TTC23: variants seen among roughly 807,000 people sequenced by gnomAD.
TTC23 encodes the protein tetratricopeptide repeat domain 23.
TTC23 carries 58 observed loss-of-function variants against 55.1 expected under a neutral mutation model. The observed-to-expected ratio is 1.05, with a 90% CI of 0.85 to 1.31. The LOEUF (loss-of-function observed/expected upper bound fraction) is 1.31, where lower values mean the gene tolerates loss of function less well. Among genes scored for constraint, TTC23 ranks in the 50% most tolerant of loss-of-function variants. The probability of loss-of-function intolerance (pLI) is 0.00; values close to 1 mark genes in which losing one functional copy is unlikely to be tolerated. For missense variants in TTC23, 516 were observed against 534.4 expected (o/e 0.97, Z 0.34); for synonymous variants, 203 against 199.9 (o/e 1.02, Z -0.13).
chr15:99,221,468 G>C (rs771433586), intron 6 of TTC23, among the ~76,000 whole-genome samples: 1 of 152,020 alleles, frequency 6.6e-6, no homozygotes, highest in Non-Finnish European at 1.5e-5. Flanking sequence ...TGGCCCAACA[G>C]ATTAATTTTC....
chr15:99,144,439 C>G (rs1325813991), intron 12 of TTC23: 2 of 152,196 alleles, frequency 1.3e-5, no homozygotes, highest in Admixed American at 1.3e-4. Context: ...AAATGTGCAG[C>G]TGTTACTCAG....
intron 9 of TTC23, among the ~76,000 whole-genome samples, chr15:99,188,337 G>A (rs2074919790): frequency 1.3e-5 from 2 of 152,124 alleles, no homozygotes; most frequent in South Asian, 4.1e-4. Context: ...CAGGAGATGG[G>A]GGAAGAGGGA....
chr15:99,219,278 C>T (rs891497818), intron 6 of TTC23, among the ~76,000 whole-genome samples: 1 of 152,096 alleles, frequency 6.6e-6, no homozygotes, highest in African/African-American at 2.4e-5. Flanking sequence ...TAGAAATAAA[C>T]AAAATGAGCT....
chr15:99,234,214 G>C (rs1379638135), intron 4 of TTC23, among the ~76,000 whole-genome samples: 1 of 152,138 alleles, frequency 6.6e-6, no homozygotes, highest in East Asian at 1.9e-4. Context: ...CTCTTCAAGA[G>C]AAACTGTTAA....
intron 10 of TTC23, among the ~76,000 whole-genome samples, chr15:99,173,535 A>G (rs1446405858): frequency 2.0e-5 from 3 of 152,226 alleles, no homozygotes; most frequent in African/African-American, 4.8e-5. Context: ...GCAGTGGGCT[A>G]TAATTGCGCC....
At chr15:99,220,747 C>T (rs574629328) in intron 6 of TTC23, among the ~76,000 whole-genome samples, 3 of 152,316 alleles carry the variant, frequency 2.0e-5, no homozygotes, top group Admixed American at 6.5e-5. Flanking sequence ...GGAAAGTTAG[C>T]ATCACCATTA....
At chr15:99,154,572 T>C (rs1670224) in intron 12 of TTC23, among the ~76,000 whole-genome samples, 121,553 of 152,150 alleles carry the variant, frequency 0.8, 48,864 homozygotes, top group African/African-American at 0.89. Flanking sequence ...CAAATGCCAG[T>C]CCCTGGATCT....
Position 99,218,984 on chromosome 15 carries a change from C to T in TTC23, c.369G>A (p.Val123=), listed in dbSNP as rs1158185423. The T allele has an allele frequency of 1.9e-6, 3 of 1,614,172 alleles. No homozygotes were observed. The highest frequency in any genetic ancestry group is 8.5e-7 in the Non-Finnish European group (1 of 1,180,016). The part of the protein sequence containing the change: ...KARQILANSI[V]PPYSENTDVF... ...CATCTGTATTCTCACTATAGGGAGGCACAATGGAGTTGGCGAGGATTTGTC... is the reference window on the plus strand; with the variant it reads ...CATCTGTATTCTCACTATAGGGAGGTACAATGGAGTTGGCGAGGATTTGTC... Residue 123 remains valine (V), a synonymous_variant, in exon 7 of 14, where the codon GTG becomes GTA. Transcript: ENST00000394132.
intron 10 of TTC23, among the ~76,000 whole-genome samples, chr15:99,165,228 C>T (rs1391268431): frequency 1.3e-5 from 2 of 152,238 alleles, no homozygotes; most frequent in South Asian, 2.1e-4. Flanking sequence ...ATTGAGAGGA[C>T]AGAAACATGA....
intron 2 of TTC23, among the ~76,000 whole-genome samples, chr15:99,244,802 G>C (rs569916623): frequency 6.6e-6 from 1 of 152,168 alleles, no homozygotes; most frequent in East Asian, 1.9e-4. Flanking sequence ...AATTAAGATG[G>C]AAATACGAGA....
At chr15:99,160,726 TAACA>T (rs1405857932) in intron 11 of TTC23, 1 of 151,344 alleles carries the variant, frequency 6.6e-6, no homozygotes, top group Non-Finnish European at 1.5e-5. Flanking sequence ...AAGAAAAGCT[TAACA>T]GAGGCCGGGC....
At chr15:99,185,089 C>T (rs1308414100) in intron 9 of TTC23, among the ~76,000 whole-genome samples, 1 of 152,080 alleles carries the variant, frequency 6.6e-6, no homozygotes, top group Admixed American at 6.6e-5. Flanking sequence ...TCAATTAAAC[C>T]TCTTTTCTTC....
Position 99,196,668 on chromosome 15 carries a change from G to C in TTC23, c.759+3251C>G, listed in dbSNP as rs146790373. 1.4e-4 allele frequency among the ~76,000 whole-genome samples: 22 copies of C among 152,140 alleles called. No homozygotes were observed. The East Asian group carries it at 4.3e-3, about 29-fold the overall frequency. On this transcript the variant is annotated intron_variant, in intron 9 of 13. Coordinates refer to ENST00000394132, the MANE Select transcript of TTC23 (RefSeq NM_001288615.3). Reference sequence around the variant, plus strand: ...TTTTCACCAGCACCACCTGAGTATGGGCTGTCTCACCCCCAACCGGAACTG... The same window carrying C: ...TTTTCACCAGCACCACCTGAGTATGCGCTGTCTCACCCCCAACCGGAACTG...
At position 99,137,961 on chromosome 15, in the gene TTC23, C is replaced by T; in HGVS notation, c.*49G>A. The T allele has an allele frequency of 6.2e-7, 1 of 1,611,890 alleles. No individual in the cohort carries two copies. Among genetic ancestry groups the T allele is most frequent in the Non-Finnish European group, 8.5e-7 (1 of 1,178,594 alleles). On this transcript the variant is annotated 3_prime_UTR_variant, in exon 14 of 14. Transcript: ENST00000394132. ...AGGCGGAGGTGATTTGTACAGCACC[C>T]TAAATGACAGTGCCCAGGAATGTCC... is the stretch of plus-strand genomic sequence containing the variant.
intron 8 of TTC23, among the ~76,000 whole-genome samples, chr15:99,207,319 T>C (rs1473604831): frequency 1.3e-5 from 2 of 152,210 alleles, no homozygotes; most frequent in Non-Finnish European, 2.9e-5. Flanking sequence ...ATATGAAGAC[T>C]ATCTACCAAT....
chr15:99,147,287 G>A (rs1321100396), intron 12 of TTC23, among the ~76,000 whole-genome samples: 9 of 139,214 alleles, frequency 6.5e-5, no homozygotes, highest in African/African-American at 1.4e-4. Context: ...GTGCAGCGGC[G>A]CGATCTCAGC....
intron 8 of TTC23, among the ~76,000 whole-genome samples, chr15:99,205,067 G>C (rs2076513187): frequency 6.6e-6 from 1 of 152,166 alleles, no homozygotes; most frequent in Non-Finnish European, 1.5e-5. Context: ...CTTTCTCCCA[G>C]TGTATGTTCT....
At chr15:99,250,513 T>C (rs2080639962), upstream of TTC23, among the ~76,000 whole-genome samples, 1 of 152,214 alleles carries the variant, frequency 6.6e-6, no homozygotes, top group Non-Finnish European at 1.5e-5. Flanking sequence ...GCGGTTGTAG[T>C]AGAGGATTAT....
At chr15:99,141,263 C>A (rs2068201774) in intron 12 of TTC23, among the ~76,000 whole-genome samples, 1 of 151,792 alleles carries the variant, frequency 6.6e-6, no homozygotes, top group Non-Finnish European at 1.5e-5. Context: ...GTATATATAA[C>A]CACATAGATG....
Sources: gnomAD v4.1 joint callset for allele counts (sites outside exome capture counted in the v4.1 genomes callset) on GRCh38, gnomAD v4.1.1 for gene constraint, MANE v1.5 for transcripts, NCBI Gene and HGNC (gene_info 2026-07-23, HGNC 2026-07-21) for gene names.